The following NAA35 variants were observed in gnomAD, a reference collection of about 807,000 sequenced individuals.
NAA35 encodes the protein MAK10 homolog, amino-acid N-acetyltransferase subunit.
A neutral mutation model predicts 101.7 loss-of-function variants in NAA35; 18 were observed. That is an observed-to-expected ratio of 0.18 (90% CI 0.12 to 0.26). NAA35 has a LOEUF of 0.26. Among genes scored for constraint, NAA35 ranks in the 10% least tolerant of loss-of-function variants. The pLI, the probability that NAA35 is intolerant of heterozygous loss-of-function variation, is 1.00. For synonymous variants in NAA35, 267 were observed against 273.1 expected (o/e 0.98, Z 0.22); for missense variants, 601 against 886.8 (o/e 0.68, Z 4.09).
chr9:85,982,939 C>T (rs1177220668), intron 11 of NAA35, among the ~76,000 whole-genome samples: 1 of 152,158 alleles, frequency 6.6e-6, no homozygotes, highest in Admixed American at 6.5e-5. Flanking sequence ...TCAAAGGCAG[C>T]CCAGTTTATA....
intron 2 of NAA35, among the ~76,000 whole-genome samples, chr9:85,945,721 G>A (rs189560777): frequency 3.3e-5 from 5 of 152,066 alleles, no homozygotes; most frequent in South Asian, 2.1e-4. Context: ...GGGTTTCACC[G>A]TGTTAGTCAG....
intron 13 of NAA35, 131 bp from the exon 14 acceptor site, chr9:86,007,227 A>C: frequency 1.9e-6 from 1 of 532,270 alleles, no homozygotes; most frequent in Non-Finnish European, 3.3e-6. Flanking sequence ...ACAGCAACTT[A>C]TAAAAAATTT....
chr9:86,003,720 C>T, intron 13 of NAA35, 76 bp downstream of exon 13: 1 of 846,384 alleles, frequency 1.2e-6, no homozygotes, highest in Middle Eastern at 2.6e-4. Flanking sequence ...ATTGATTGAA[C>T]AAAAGGTAGA....
intron 15 of NAA35, among the ~76,000 whole-genome samples, chr9:86,010,494 G>A (rs1209373278): frequency 6.6e-6 from 1 of 151,518 alleles, no homozygotes; most frequent in East Asian, 1.9e-4. Flanking sequence ...ACTCTCAACT[G>A]GGAAAACAGC....
intron 11 of NAA35, among the ~76,000 whole-genome samples, chr9:85,990,478 T>G (rs1349892993): frequency 3.9e-5 from 6 of 152,326 alleles, no homozygotes; most frequent in Non-Finnish European, 8.8e-5. Context: ...ACAGCTACCT[T>G]TCTGAAGGAA....
Position 85,989,050 on chromosome 9 carries a change from G to T in NAA35, c.878-7349G>T, listed in dbSNP as rs546410200. On this transcript the variant is annotated intron_variant, in intron 11 of 22. Transcript: ENST00000361671. The stretch of plus-strand genomic sequence containing the variant: ...ATGTGTTCCAGGATAAATTGATAAA[G>T]AATTATTAATAGTAAAATAGAGCCT... Among the ~76,000 whole-genome samples the T allele has an allele frequency of 2.6e-5, 4 of 152,258 alleles. 1 individual carries two copies. Among genetic ancestry groups the T allele is most frequent in the African/African-American group, 9.6e-5 (4 of 41,554 alleles).
At chr9:86,003,987 A>G (rs575996092) in intron 13 of NAA35, among the ~76,000 whole-genome samples, 14 of 152,356 alleles carry the variant, frequency 9.2e-5, no homozygotes, top group African/African-American at 3.1e-4. Flanking sequence ...TGGGTCAAAG[A>G]CAGAGGTCTT....
At chr9:85,994,242 GC>G (rs1186148063) in intron 11 of NAA35, among the ~76,000 whole-genome samples, 1 of 152,054 alleles carries the variant, frequency 6.6e-6, no homozygotes, top group African/African-American at 2.4e-5. Flanking sequence ...ACATTGCTGT[GC>G]AACTATCACC....
At chr9:85,974,084 AT>A (rs1249450229) in intron 6 of NAA35, among the ~76,000 whole-genome samples, 1 of 151,800 alleles carries the variant, frequency 6.6e-6, no homozygotes, top group Non-Finnish European at 1.5e-5. Flanking sequence ...AGCCTCCCAA[AT>A]AGCTGGGATT....
At chr9:86,017,738 C>G (rs1265642119) in intron 19 of NAA35, among the ~76,000 whole-genome samples, 173 bp downstream of exon 19, 1 of 152,112 alleles carries the variant, frequency 6.6e-6, no homozygotes, top group Non-Finnish European at 1.5e-5. Flanking sequence ...CCATTTGAAC[C>G]CTTGCTTATG....
At position 86,008,323 on chromosome 9, in the gene NAA35, A is replaced by G. The variant is rs577152997; in HGVS notation, c.1223+859A>G. On this transcript the variant is annotated intron_variant, in intron 14 of 22. Transcript: ENST00000361671. ...GTGATCTGCCCACCTTGGCCTCCCAAAGTGCTGGGATTATAGGCTTGAGCC... is the reference window on the plus strand; with the variant it reads ...GTGATCTGCCCACCTTGGCCTCCCAGAGTGCTGGGATTATAGGCTTGAGCC... Among the ~76,000 whole-genome samples, 3 of 152,252 alleles carry G rather than the reference A, an allele frequency of 2.0e-5. No homozygotes were observed. The South Asian group carries it at 6.2e-4, about 32-fold the overall frequency.
chr9:86,012,233 C>T (rs1448019543), intron 15 of NAA35, among the ~76,000 whole-genome samples: 1 of 151,716 alleles, frequency 6.6e-6, no homozygotes, highest in South Asian at 2.1e-4. Flanking sequence ...AGTTCTCTGC[C>T]TCAGCCTCCC....
Position 86,003,574 on chromosome 9 carries a change from A to C in NAA35, c.1057-11A>C. ...ATTAATGACATTGCTTTTTCTTTAT[A>C]TATCTGTTAGGATTTTTTCTGTGAA... On this transcript the variant is annotated splice_polypyrimidine_tract_variant and intron_variant, in intron 12 of 22. Transcript: ENST00000361671. The C allele has an allele frequency of 6.4e-7, 1 of 1,556,802 alleles. No homozygotes were observed. Among genetic ancestry groups the C allele is most frequent in the Non-Finnish European group, 8.8e-7 (1 of 1,136,622 alleles).
chr9:86,021,051 C>G, intron 22 of NAA35, 82 bp downstream of exon 22: 1 of 1,025,130 alleles, frequency 9.8e-7, no homozygotes, highest in Non-Finnish European at 1.4e-6. Context: ...GTAAATATTA[C>G]AGGAAAAATT....
intron 12 of NAA35, among the ~76,000 whole-genome samples, chr9:85,997,996 G>A (rs1257899204): frequency 1.3e-5 from 2 of 151,894 alleles, no homozygotes; most frequent in Non-Finnish European, 2.9e-5. Context: ...CTCACTGCAA[G>A]CTCCACCTCC....
intron 21 of NAA35, among the ~76,000 whole-genome samples, chr9:86,020,217 C>T (rs1352542890): frequency 1.3e-5 from 2 of 152,002 alleles, no homozygotes; most frequent in East Asian, 3.9e-4. Context: ...AGGAGAGACA[C>T]TTTTTAAAAA....
At chr9:85,949,903 T>C (rs547788556) in intron 2 of NAA35, among the ~76,000 whole-genome samples, 20 of 152,266 alleles carry the variant, frequency 1.3e-4, no homozygotes, top group African/African-American at 4.8e-4. Flanking sequence ...TTGCAGGATA[T>C]GCAGAGTTGA....
chr9:85,948,032 A>G (rs191953692), intron 2 of NAA35, among the ~76,000 whole-genome samples: 1 of 152,312 alleles, frequency 6.6e-6, no homozygotes, highest in Admixed American at 6.5e-5. Context: ...AGGAGTTTCT[A>G]GAAGACACTG....
At chr9:85,942,034 G>T in intron 1 of NAA35, 121 bp from the exon 2 acceptor site, 1 of 1,426,892 alleles carries the variant, frequency 7.0e-7, no homozygotes, top group South Asian at 1.4e-5. Flanking sequence ...AGACTCAGAA[G>T]AGTTCTGCTT....
Sources: gnomAD v4.1 joint callset for allele counts (sites outside exome capture counted in the v4.1 genomes callset) on GRCh38, gnomAD v4.1.1 for gene constraint, MANE v1.5 for transcripts, NCBI Gene and HGNC (gene_info 2026-07-23, HGNC 2026-07-21) for gene names.